The following ZNF624 variants were observed in gnomAD, a reference collection of about 807,000 sequenced individuals.
ZNF624 encodes zinc finger protein 624.
ZNF624 carries 43 observed loss-of-function variants against 74.7 expected under a neutral mutation model. The ratio of observed to expected loss-of-function variants is 0.58; its 90% confidence interval spans 0.45 to 0.74. The LOEUF is 0.74. Among genes scored for constraint, ZNF624 ranks in the 30% least tolerant of loss-of-function variants. The pLI, the probability that ZNF624 is intolerant of heterozygous loss-of-function variation, is 0.00. For missense variants in ZNF624, 820 were observed against 1,030.0 expected (o/e 0.80, Z 2.79); for synonymous variants, 331 against 341.3 (o/e 0.97, Z 0.33).
chr17:16,615,246 C>T, the ZNF624 span, among the ~76,000 whole-genome samples: 39 of 152,252 alleles, frequency 2.6e-4, no homozygotes, highest in Admixed American at 2.3e-3. Flanking sequence ...TACAGGCGCC[C>T]ACCACCACGC....
Position 16,622,317 on chromosome 17 carries a change from T to C in ZNF624, c.2569A>G (p.Ile857Val), listed in dbSNP as rs768425839. ...ATTAACTGAGTTTCTCTTTGATGTA[T>C]TCTTTGATGTACAGTAAGGCTCGAA... ...SSSSLTVHQR[I>V]HQRETQLI The change falls in exon 6 of 6, where the codon ATA becomes GTA. Residue 857 changes from isoleucine to valine, a missense_variant. Physicochemically the swap from Ile to Val is conservative, Grantham distance 29. Transcript: ENST00000311331. The C allele has an allele frequency of 1.3e-5, 20 of 1,585,180 alleles. No individual in the cohort carries two copies. The Middle Eastern group carries it at 5.1e-4, about 40-fold the overall frequency.
intron 4 of ZNF624, 31 bp from the exon 5 acceptor site, chr17:16,633,988 T>A: frequency 1.9e-6 from 3 of 1,580,280 alleles, no homozygotes; most frequent in Non-Finnish European, 2.6e-6. Flanking sequence ...AGGATTTGAT[T>A]GGAGCCATGA....
At chr17:16,636,665 T>C (rs999155122) in intron 3 of ZNF624, among the ~76,000 whole-genome samples, 1 of 152,084 alleles carries the variant, frequency 6.6e-6, no homozygotes, top group Non-Finnish European at 1.5e-5. Context: ...TGAAACCCCA[T>C]CTCAACTAAA....
intron 1 of ZNF624, among the ~76,000 whole-genome samples, chr17:16,651,686 C>A (rs1180401979): frequency 6.6e-6 from 1 of 152,106 alleles, no homozygotes; most frequent in Non-Finnish European, 1.5e-5. Flanking sequence ...TGTCATAGAG[C>A]CTTTTGCAAA....
intron 5 of ZNF624, among the ~76,000 whole-genome samples, chr17:16,633,281 C>G (rs1250315142): frequency 6.6e-6 from 1 of 152,162 alleles, no homozygotes; most frequent in Non-Finnish European, 1.5e-5. Context: ...TAAGCCAGTT[C>G]ACAGTATATA....
At chr17:16,615,379 G>A in the ZNF624 span, among the ~76,000 whole-genome samples, 1 of 152,182 alleles carries the variant, frequency 6.6e-6, no homozygotes, top group Admixed American at 6.5e-5. Flanking sequence ...TTACAGGCAT[G>A]AGCCACCGTG....
At chr17:16,643,743 T>G (rs1909521240) in intron 3 of ZNF624, among the ~76,000 whole-genome samples, 1 of 152,070 alleles carries the variant, frequency 6.6e-6, no homozygotes, top group African/African-American at 2.4e-5. Flanking sequence ...CAGGGGAAAA[T>G]CAGGTAAATA....
Position 16,622,480 on chromosome 17 carries a change from A to G in ZNF624, c.2406T>C (p.His802=), listed in dbSNP as rs1211036987. 1.2e-6 allele frequency: 2 copies of G among 1,613,976 alleles called. No homozygotes were observed. The highest frequency in any genetic ancestry group is 3.3e-5 in the Admixed American group (2 of 60,024). Residue 802 remains histidine, a synonymous_variant, in exon 6 of 6, where the codon CAT becomes CAC. Transcript: ENST00000311331. ...CACATTTATAGGGCCTCTCCCCAGT[A>G]TGAATTCTCTGATGTAGGGTTAGCT... ...LSQLTLHQRI[H]TGERPYKCEE...
At chr17:16,648,849 C>T (rs1909653746) in intron 2 of ZNF624, among the ~76,000 whole-genome samples, 1 of 152,148 alleles carries the variant, frequency 6.6e-6, no homozygotes, top group Admixed American at 6.5e-5. Flanking sequence ...AACTTTCCAA[C>T]TTGAATCACA....
At chr17:16,648,592 A>G (rs1351929454) in intron 2 of ZNF624, among the ~76,000 whole-genome samples, 1 of 152,252 alleles carries the variant, frequency 6.6e-6, no homozygotes, top group African/African-American at 2.4e-5. Flanking sequence ...TACATGTTAC[A>G]TATTCTGGCT....
chr17:16,632,578 C>T (rs182117397), intron 5 of ZNF624, among the ~76,000 whole-genome samples: 22 of 152,182 alleles, frequency 1.4e-4, no homozygotes, highest in African/African-American at 5.3e-4. Flanking sequence ...TATAAAAATA[C>T]GTAATTCATG....
intron 1 of ZNF624, among the ~76,000 whole-genome samples, chr17:16,652,722 C>G (rs1909755534): frequency 6.6e-6 from 1 of 152,168 alleles, no homozygotes; most frequent in Admixed American, 6.5e-5. Context: ...CTTCTTTCTG[C>G]TTTTCTGTAC....
downstream of ZNF624, chr17:16,617,326 C>T (rs1908810971): frequency 8.1e-6 from 13 of 1,613,718 alleles, no homozygotes; most frequent in African/African-American, 1.3e-5. Flanking sequence ...TCGCCTATGG[C>T]TTGTGCGTGG....
chr17:16,637,118 A>C (rs1315157217), intron 3 of ZNF624, among the ~76,000 whole-genome samples: 4 of 152,188 alleles, frequency 2.6e-5, no homozygotes, highest in African/African-American at 9.7e-5. Context: ...ACTCACATTC[A>C]CAATTGTTTC....
chr17:16,617,762 C>T (rs2142556551), downstream of ZNF624: 1 of 1,608,620 alleles, frequency 6.2e-7, no homozygotes. Flanking sequence ...CCTCGAACTC[C>T]ACGAAGCCGT....
At position 16,624,370 on chromosome 17, in the gene ZNF624, A is replaced by T. The variant is rs1909010546; in HGVS notation, c.516T>A (p.Asn172Lys). The change falls in exon 6 of 6, where the codon AAT becomes AAA. Residue 172 changes from asparagine to lysine, a missense_variant. Asn to Lys is a moderately conservative substitution (Grantham distance 94). Transcript: ENST00000311331. ...TATTTTGTAATCTCAATATCCTATC[A>T]TTCCATTTCCATAACCCTTCCATTC... ...DSRMEGLWKW[N>K]DRILRLQNNQ... 1 of 1,613,992 alleles carries T rather than the reference A, an allele frequency of 6.2e-7. No homozygotes were observed. The highest frequency in any genetic ancestry group is 1.3e-5 in the African/African-American group (1 of 75,032).
intron 3 of ZNF624, among the ~76,000 whole-genome samples, chr17:16,638,806 T>C (rs1420477832): frequency 6.6e-6 from 1 of 152,006 alleles, no homozygotes; most frequent in Non-Finnish European, 1.5e-5. Flanking sequence ...TGTATACATA[T>C]GTAACAAACC....
chr17:16,617,935 C>T (rs554306660), downstream of ZNF624: 265 of 1,184,166 alleles, frequency 2.2e-4, no homozygotes, highest in African/African-American at 3.7e-3. Flanking sequence ...GACCGCAAGC[C>T]AGTAGCCGCG....
chr17:16,624,157 C>T lies in ZNF624; in HGVS notation c.729G>A (p.Leu243=), dbSNP rs139652648. 6.2e-7 allele frequency: 1 copy of T among 1,614,086 alleles called. No homozygotes were observed. Among genetic ancestry groups the T allele is most frequent in the Non-Finnish European group, 8.5e-7 (1 of 1,180,026 alleles). ...ENLNLITDTH[L]GKIICKEMKG... ...TCATCTCCTTGCAAATTATCTTCCC[C>T]AAATGGGTATCTGTAATCAAATTTA... is the stretch of plus-strand genomic sequence containing the variant. The change falls in exon 6 of 6, where the codon TTG becomes TTA. Residue 243 remains leucine (L), a synonymous_variant. Transcript: ENST00000311331.
Sources: gnomAD v4.1 joint callset for allele counts (sites outside exome capture counted in the v4.1 genomes callset) on GRCh38, gnomAD v4.1.1 for gene constraint, MANE v1.5 for transcripts, NCBI Gene and HGNC (gene_info 2026-07-23, HGNC 2026-07-21) for gene names.